CCDC85C: variants seen among roughly 807,000 people sequenced by gnomAD.
The protein encoded by CCDC85C is coiled-coil domain-containing protein 85C.
In CCDC85C, 18 loss-of-function variants were observed where a neutral mutation model predicts 38.3. That is an observed-to-expected ratio of 0.47 (90% confidence interval 0.33 to 0.70). CCDC85C has a LOEUF of 0.70. CCDC85C is among the 30% of genes least tolerant of loss of function. The pLI is 0.03. For missense variants in CCDC85C, 566 were observed against 621.2 expected (o/e 0.91, Z 0.94); for synonymous variants, 264 against 293.8 (o/e 0.90, Z 1.04).
At chr14:99,585,229 G>C (rs2139980486) in intron 1 of CCDC85C, among the ~76,000 whole-genome samples, 1 of 152,362 alleles carries the variant, frequency 6.6e-6, no homozygotes, top group East Asian at 1.9e-4. Flanking sequence ...GACTCTCTGG[G>C]TGCTGGGGTC....
In CCDC85C at chr14:99,522,213, G is replaced by A. The variant is rs1897312753; in HGVS notation, c.895C>T (p.Leu299=). Residue 299 remains leucine, a synonymous_variant, in exon 3 of 6, where the codon CTG becomes TTG. Coordinates refer to ENST00000380243, the MANE Select transcript of CCDC85C (RefSeq NM_001144995.2). The part of the protein sequence containing the change: ...QQAGSGEFRT[L]RKGFSPYHSE... ...TGGTAGGGCGAGAAGCCTTTCCGCA[G>A]CGTGCGGAACTCTCCGGAGCCTGCC... 6.5e-7 allele frequency: 1 copy of A among 1,549,992 alleles called. No individual in the cohort carries two copies. Among genetic ancestry groups the A allele is most frequent in the Non-Finnish European group, 8.7e-7 (1 of 1,146,808 alleles).
chr14:99,531,735 A>G (rs1025467271), intron 2 of CCDC85C, among the ~76,000 whole-genome samples: 11 of 151,140 alleles, frequency 7.3e-5, no homozygotes, highest in Admixed American at 6.6e-5. Context: ...TGCTTTGCGC[A>G]GAGGTGGGGG....
chr14:99,517,256 G>A, intron 3 of CCDC85C, 73 bp from the exon 4 acceptor site: 1 of 1,225,714 alleles, frequency 8.2e-7, no homozygotes, highest in South Asian at 1.5e-5. Context: ...CTCAGACAAG[G>A]CCCCCATTCT....
intron 1 of CCDC85C, among the ~76,000 whole-genome samples, chr14:99,554,225 C>G (rs555398645): frequency 7.7e-4 from 117 of 152,330 alleles, no homozygotes; most frequent in African/African-American, 2.8e-3. Flanking sequence ...CGAGCTCCCC[C>G]ATGGCACTGT....
Position 99,544,436 on chromosome 14 carries a change from G to C in CCDC85C, c.794-8348C>G, listed in dbSNP as rs1033705077. Among the ~76,000 whole-genome samples the C allele has an allele frequency of 6.6e-6, 1 of 152,106 alleles. No homozygotes were observed. Among genetic ancestry groups the C allele is most frequent in the African/African-American group, 2.4e-5 (1 of 41,398 alleles). On this transcript the variant is annotated intron_variant, in intron 1 of 5. Transcript: ENST00000380243. The surrounding 1 kb of genome is among the most constrained non-coding windows in gnomAD (Gnocchi z 5.3). Reference sequence around the variant, plus strand: ...AACAAAGAGACCGAGGTTCCGAGGGGCTCCATAACCACCCAGTCACAGAAC... The same window carrying C: ...AACAAAGAGACCGAGGTTCCGAGGGCCTCCATAACCACCCAGTCACAGAAC...
At chr14:99,578,191 G>A (rs1230011258) in intron 1 of CCDC85C, among the ~76,000 whole-genome samples, 1 of 145,074 alleles carries the variant, frequency 6.9e-6, no homozygotes, top group Non-Finnish European at 1.5e-5. Flanking sequence ...GTGTGTGTGT[G>A]TGTGTACATA....
At chr14:99,524,527 A>G (rs1897347567) in intron 2 of CCDC85C, among the ~76,000 whole-genome samples, 1 of 152,208 alleles carries the variant, frequency 6.6e-6, no homozygotes, top group East Asian at 1.9e-4. Flanking sequence ...GCCTTCGGTG[A>G]GCCTCTATAA....
At chr14:99,515,456 G>T in intron 5 of CCDC85C, 121 bp from the exon 6 acceptor site, 1 of 687,134 alleles carries the variant, frequency 1.5e-6, no homozygotes, top group Non-Finnish European at 2.5e-6. Context: ...GGCCAGGAGG[G>T]ACACGGAGGC....
At chr14:99,597,439 C>A (rs1415083384) in intron 1 of CCDC85C, among the ~76,000 whole-genome samples, 1 of 152,150 alleles carries the variant, frequency 6.6e-6, no homozygotes, top group African/African-American at 2.4e-5. Context: ...ACCAGATTCC[C>A]AGAGCTGTCT....
intron 1 of CCDC85C, 55 bp from the exon 2 acceptor site, chr14:99,536,143 T>C (rs774064537): frequency 8.0e-5 from 99 of 1,230,482 alleles, no homozygotes; most frequent in Middle Eastern, 1.9e-4. Flanking sequence ...TCCATCCCCA[T>C]TGCGCAACCC....
chr14:99,598,551 C>A (rs999248426), intron 1 of CCDC85C, among the ~76,000 whole-genome samples: 2 of 152,178 alleles, frequency 1.3e-5, no homozygotes, highest in African/African-American at 4.8e-5. Context: ...CTCCTCCATG[C>A]CAGGACACAG....
In CCDC85C at chr14:99,540,218, T is replaced by C. The variant is rs187039520; in HGVS notation, c.794-4130A>G. The stretch of plus-strand genomic sequence containing the variant: ...CATGCATGGCCACCCAATGAAGCAA[T>C]GGACATTTTAAACCCACCACCCTGA... On this transcript the variant is annotated intron_variant, in intron 1 of 5. Coordinates refer to ENST00000380243, the MANE Select transcript of CCDC85C (RefSeq NM_001144995.2). Among the ~76,000 whole-genome samples, 266 of 152,010 alleles carry C rather than the reference T, an allele frequency of 1.7e-3. 1 individual carries two copies. The highest frequency in any genetic ancestry group is 6.4e-3 in the African/African-American group (265 of 41,422).
chr14:99,602,147 G>A (rs1369769109), intron 1 of CCDC85C, among the ~76,000 whole-genome samples: 9 of 152,252 alleles, frequency 5.9e-5, no homozygotes, highest in African/African-American at 2.2e-4. Flanking sequence ...TGGAAGCCAA[G>A]CTACCAAAAA....
chr14:99,604,087 C>A lies in CCDC85C; in HGVS notation c.-128G>T. The A allele has an allele frequency of 4.3e-6, 4 of 934,848 alleles. No individual in the cohort carries two copies. The highest frequency in any genetic ancestry group is 5.1e-6 in the Non-Finnish European group (4 of 787,696). 57.9% of individuals were successfully genotyped at this position (934,848 alleles called of 1,614,324 possible). On this transcript the variant is annotated 5_prime_UTR_variant, in exon 1 of 6. Coordinates refer to ENST00000380243, the MANE Select transcript of CCDC85C (RefSeq NM_001144995.2). ...GGGGCGCGTGCGGCCCGCCCCGCGCCGCCTGGCGCGTCCTCTCGCCGCGCC... is the reference window on the plus strand; with the variant it reads ...GGGGCGCGTGCGGCCCGCCCCGCGCAGCCTGGCGCGTCCTCTCGCCGCGCC...
At chr14:99,515,510 C>T (rs1429048460) in intron 5 of CCDC85C, among the ~76,000 whole-genome samples, 175 bp from the exon 6 acceptor site, 7 of 152,184 alleles carry the variant, frequency 4.6e-5, no homozygotes, top group Admixed American at 1.3e-4. Context: ...TTGCATGCCG[C>T]GCTAACTATC....
Position 99,536,869 on chromosome 14 carries a change from G to A in CCDC85C, c.794-781C>T, listed in dbSNP as rs150438456. On this transcript the variant is annotated intron_variant, in intron 1 of 5. Transcript: ENST00000380243. ...AAAAAAATCCCATCCCCACCCCCAC[G>A]TCCAGCCATCCCATACCCCTGGTCC... 1.2e-3 allele frequency among the ~76,000 whole-genome samples: 183 copies of A among 152,184 alleles called. 1 individual carries two copies. The highest frequency in any genetic ancestry group is 4.3e-3 in the African/African-American group (178 of 41,530).
chr14:99,583,801 C>G (rs1471167528), intron 1 of CCDC85C, among the ~76,000 whole-genome samples: 1 of 136,660 alleles, frequency 7.3e-6, no homozygotes, highest in Non-Finnish European at 1.5e-5. Flanking sequence ...AAGCAAGGCT[C>G]TGTCTTAAAA....
intron 1 of CCDC85C, among the ~76,000 whole-genome samples, chr14:99,562,849 AC>A (rs1898144215): frequency 6.6e-6 from 1 of 151,744 alleles, no homozygotes; most frequent in Non-Finnish European, 1.5e-5. Context: ...TCACACACTC[AC>A]CCTCATATGC....
At chr14:99,591,724 G>C (rs921876993) in intron 1 of CCDC85C, among the ~76,000 whole-genome samples, 2 of 149,444 alleles carry the variant, frequency 1.3e-5, no homozygotes, top group East Asian at 4.0e-4. Context: ...CAGGTTTCTT[G>C]GTTTCTTTTC....
Sources: allele counts gnomAD v4.1 joint callset (sites outside exome capture counted in the v4.1 genomes callset), GRCh38; gene constraint gnomAD v4.1.1; non-coding constraint Gnocchi (gnomAD v3.1); transcripts MANE v1.5; gene names NCBI Gene and HGNC (gene_info 2026-07-23, HGNC 2026-07-21).